The following ADORA2B variants were observed in gnomAD, a reference collection of about 807,000 sequenced individuals.
The protein encoded by ADORA2B is adenosine A2b receptor.
Under a neutral mutation model 20.8 loss-of-function variants are expected in ADORA2B, and 18 were observed. The observed-to-expected ratio is 0.87, with a 90% CI of 0.60 to 1.29. The LOEUF (loss-of-function observed/expected upper bound fraction) is 1.29, where lower values mean the gene tolerates loss of function less well. ADORA2B is among the 50% of genes most tolerant of loss of function. The pLI, the probability that ADORA2B is intolerant of heterozygous loss-of-function variation, is 0.00. For missense variants in ADORA2B, 441 were observed against 422.7 expected (o/e 1.04, Z -0.38); for synonymous variants, 179 against 178.3 (o/e 1.00, Z -0.03).
At chr17:15,896,459 C>T in the ADORA2B span, among the ~76,000 whole-genome samples, 1 of 152,056 alleles carries the variant, frequency 6.6e-6, no homozygotes, top group East Asian at 1.9e-4. Flanking sequence ...TGTCGCCAAA[C>T]TGATCAGATG....
chr17:15,904,299 G>A, the ADORA2B span, among the ~76,000 whole-genome samples: 1 of 150,356 alleles, frequency 6.7e-6, no homozygotes. Flanking sequence ...CTTTCTTGAT[G>A]ATATTTTACT....
the ADORA2B span, among the ~76,000 whole-genome samples, chr17:15,871,775 C>T: frequency 2.0e-5 from 3 of 152,280 alleles, no homozygotes; most frequent in South Asian, 4.1e-4. Flanking sequence ...GGAGAGGACT[C>T]TTGGAAGCTC....
At chr17:15,971,860 T>C (rs1276798637) in intron 1 of ADORA2B, among the ~76,000 whole-genome samples, 3 of 152,162 alleles carry the variant, frequency 2.0e-5, no homozygotes. Flanking sequence ...CTCAAATGCC[T>C]GACCTCAAGT....
the ADORA2B span, among the ~76,000 whole-genome samples, chr17:15,855,497 A>T: frequency 6.6e-6 from 1 of 151,944 alleles, no homozygotes; most frequent in Non-Finnish European, 1.5e-5. Context: ...CTGTGATAAC[A>T]TTTGTGTTTT....
At chr17:15,888,541 T>C in the ADORA2B span, among the ~76,000 whole-genome samples, 14 of 126,834 alleles carry the variant, frequency 1.1e-4, 3 homozygotes, top group East Asian at 2.1e-4. Flanking sequence ...GGGAAAAGAA[T>C]TGGACTCCGT....
the ADORA2B span, among the ~76,000 whole-genome samples, chr17:15,929,082 C>A: frequency 6.6e-6 from 1 of 152,058 alleles, no homozygotes; most frequent in African/African-American, 2.4e-5. Flanking sequence ...ACAGCATCTT[C>A]AGGGGAGACC....
chr17:15,875,946 A>G, the ADORA2B span, among the ~76,000 whole-genome samples: 1 of 152,218 alleles, frequency 6.6e-6, no homozygotes, highest in East Asian at 1.9e-4. Flanking sequence ...ATATCCCCAC[A>G]TATCACAGGG....
chr17:15,890,215 G>A, the ADORA2B span, among the ~76,000 whole-genome samples: 22 of 129,308 alleles, frequency 1.7e-4, 5 homozygotes, highest in Non-Finnish European at 3.1e-4. Context: ...TTTAGTGAGT[G>A]AACATGATAC....
chr17:15,877,820 A>G, the ADORA2B span, among the ~76,000 whole-genome samples: 3 of 151,806 alleles, frequency 2.0e-5, no homozygotes, highest in South Asian at 2.1e-4. Flanking sequence ...CTTGCCACAA[A>G]TTTCCTGAGC....
chr17:15,959,457 TCA>T (rs1014606950), intron 1 of ADORA2B, among the ~76,000 whole-genome samples: 8 of 151,746 alleles, frequency 5.3e-5, no homozygotes, highest in African/African-American at 1.9e-4. Context: ...TTGGTTTGTC[TCA>T]CACACACATA....
chr17:15,965,218 A>G (rs527545512), intron 1 of ADORA2B, among the ~76,000 whole-genome samples: 53 of 152,302 alleles, frequency 3.5e-4, no homozygotes, highest in African/African-American at 1.2e-3. Context: ...CTTGATGTTG[A>G]TGCCTTGCTT....
upstream of ADORA2B, among the ~76,000 whole-genome samples, chr17:15,944,730 G>A (rs1969775084): frequency 6.6e-6 from 1 of 152,046 alleles, no homozygotes; most frequent in African/African-American, 2.4e-5. This position sits in a 1 kb window ranked among gnomAD's most constrained non-coding sequence, Gnocchi z 4.8. Flanking sequence ...CCCGGGGTGC[G>A]CAGGGTTAGC....
the ADORA2B span, among the ~76,000 whole-genome samples, chr17:15,874,110 A>G: frequency 2.0e-5 from 3 of 147,170 alleles, no homozygotes; most frequent in Non-Finnish European, 4.5e-5. Context: ...ACACACACAT[A>G]TATACATACA....
the ADORA2B span, among the ~76,000 whole-genome samples, chr17:15,888,815 CATATATATATATATATATATAT>C: frequency 3.8e-4 from 6 of 15,734 alleles, 1 homozygote; most frequent in Non-Finnish European, 5.7e-4. Context: ...TATGTGATGC[CATATATATATATATATATATAT>C]ATATATATAT....
chr17:15,909,981 C>T, the ADORA2B span, among the ~76,000 whole-genome samples: 13 of 152,178 alleles, frequency 8.5e-5, no homozygotes, highest in African/African-American at 1.9e-4. Flanking sequence ...GTGGCTCTGC[C>T]GTGTTCTTCT....
the ADORA2B span, among the ~76,000 whole-genome samples, chr17:15,921,724 G>T: frequency 1.3e-5 from 2 of 152,070 alleles, no homozygotes; most frequent in Non-Finnish European, 2.9e-5. Flanking sequence ...AAAAAAAGAA[G>T]TCCAGAGGTA....
the ADORA2B span, among the ~76,000 whole-genome samples, chr17:15,855,045 T>G: frequency 6.6e-6 from 1 of 151,764 alleles, no homozygotes; most frequent in Non-Finnish European, 1.5e-5. Flanking sequence ...TTCTCCTGCC[T>G]CAGCCTCCCA....
At chr17:15,867,623 G>T in the ADORA2B span, among the ~76,000 whole-genome samples, 2 of 149,394 alleles carry the variant, frequency 1.3e-5, 1 homozygote, top group African/African-American at 5.1e-5. Flanking sequence ...AGGGAGGCGG[G>T]GGGGTCAGCC....
the ADORA2B span, among the ~76,000 whole-genome samples, chr17:15,913,573 T>C: frequency 4.0e-4 from 61 of 152,370 alleles, no homozygotes; most frequent in Admixed American, 1.7e-3. Context: ...CTATCACTTA[T>C]GGTATCATGA....
Sources: gnomAD v4.1 joint callset for allele counts (sites outside exome capture counted in the v4.1 genomes callset) on GRCh38, gnomAD v4.1.1 for gene constraint, Gnocchi (gnomAD v3.1) non-coding constraint, MANE v1.5 for transcripts, NCBI Gene and HGNC (gene_info 2026-07-23, HGNC 2026-07-21) for gene names.